Variants in ST7 observed in about 807,000 individuals in gnomAD.
ST7 encodes suppression of tumorigenicity 7, also known as suppressor of tumorigenicity 7 protein.
In ST7, 28 loss-of-function variants were observed where a neutral mutation model predicts 78.7. That is an observed-to-expected ratio of 0.36 (90% CI 0.26 to 0.49). The LOEUF is 0.49. Ranked by LOEUF, ST7 falls within the 20% of genes least tolerant of loss-of-function variation. ST7 has a pLI of 0.99. For synonymous variants in ST7, 247 were observed against 249.6 expected, an observed-to-expected ratio of 0.99 and a Z score of 0.10; for missense variants, 418 against 696.0, an observed-to-expected ratio of 0.60 and a Z score of 4.49.
rs555326175 is a variant in ST7 at position 117,033,938 on chromosome 7, G to C, written c.152-65824G>C. Among the ~76,000 whole-genome samples, 12 of 152,052 alleles carry C rather than the reference G, an allele frequency of 7.9e-5. No homozygotes were observed. The South Asian group carries it at 1.3e-3, about 16-fold the overall frequency. On this transcript the variant is annotated intron_variant, in intron 1 of 15. Transcript: ENST00000323984. Reference sequence around the variant, plus strand: ...CTATGAGGTCGTTTTTATTGTTGTTGTTCTTCTTCCTTTTTTTGTTTAGAG... The same window carrying C: ...CTATGAGGTCGTTTTTATTGTTGTTCTTCTTCTTCCTTTTTTTGTTTAGAG...
At chr7:117,111,445 C>T (rs995566932) in intron 2 of ST7, among the ~76,000 whole-genome samples, 3 of 152,038 alleles carry the variant, frequency 2.0e-5, no homozygotes, top group Non-Finnish European at 4.4e-5. Flanking sequence ...GAGCTAAAAA[C>T]AAAGAAAAAC....
In ST7 at chr7:116,953,901, C is replaced by T. The variant is rs563953869; in HGVS notation, c.151+210C>T. The T allele has an allele frequency of 1.7e-3, 259 of 156,110 alleles. 1 individual carries two copies. The highest frequency in any genetic ancestry group is 5.8e-3 in the African/African-American group (238 of 41,342). The allele number at this position is 156,110 out of a possible 1,614,324, so 9.7% of individuals were successfully genotyped here. On this transcript the variant is annotated intron_variant, in intron 1 of 15. Transcript: ENST00000323984. The stretch of plus-strand genomic sequence containing the variant: ...GGGGGCGGCCGGTGGCCTTCACGGC[C>T]CCGCGGAGGAAGAGCTGCGCCGCGC...
At chr7:117,148,245 A>G (rs983080751) in intron 9 of ST7, among the ~76,000 whole-genome samples, 2 of 151,992 alleles carry the variant, frequency 1.3e-5, no homozygotes, top group East Asian at 1.9e-4. Context: ...TGACTTACTG[A>G]TATGTTATTA....
chr7:117,044,402 A>G (rs962357820), intron 1 of ST7, among the ~76,000 whole-genome samples: 2 of 152,174 alleles, frequency 1.3e-5, no homozygotes, highest in Non-Finnish European at 2.9e-5. Flanking sequence ...GACAGAGTGC[A>G]GTGGCACAAG....
intron 1 of ST7, among the ~76,000 whole-genome samples, chr7:117,060,689 C>T (rs1798302339): frequency 6.6e-6 from 1 of 151,892 alleles, no homozygotes; most frequent in African/African-American, 2.4e-5. Context: ...CTGTGATTAC[C>T]ATGAGATAAA....
chr7:116,991,105 A>C lies in ST7; in HGVS notation c.151+37414A>C, dbSNP rs572033586. On this transcript the variant is annotated intron_variant, in intron 1 of 15. Coordinates refer to ENST00000323984, the MANE Select transcript of ST7 (RefSeq NM_001369598.1). ...TTGCATAGTACTCCATTGTATGATC[A>C]CATTTTATTTATCTATTATACTTTT... Among the ~76,000 whole-genome samples the C allele has an allele frequency of 2.6e-5, 4 of 152,320 alleles. No individual in the cohort carries two copies. In the South Asian group the frequency reaches 8.3e-4, roughly 32 times the overall value.
At chr7:117,066,558 G>A (rs1445349255) in intron 1 of ST7, among the ~76,000 whole-genome samples, 3 of 151,818 alleles carry the variant, frequency 2.0e-5, no homozygotes, top group Admixed American at 6.6e-5. Context: ...TCAGGAGTTC[G>A]AGACCAGCCT....
chr7:116,976,068 C>A (rs1250424459), intron 1 of ST7, among the ~76,000 whole-genome samples: 1 of 152,086 alleles, frequency 6.6e-6, no homozygotes, highest in Non-Finnish European at 1.5e-5. Flanking sequence ...CGAGACCAGC[C>A]TGGCCAACAT....
At chr7:117,193,093 G>A (rs1468955366) in intron 12 of ST7, among the ~76,000 whole-genome samples, 1 of 151,338 alleles carries the variant, frequency 6.6e-6, no homozygotes, top group African/African-American at 2.4e-5. Flanking sequence ...TCAAGAATTA[G>A]CCACAGATTT....
intron 1 of ST7, among the ~76,000 whole-genome samples, chr7:117,064,163 T>A (rs1798505871): frequency 6.6e-6 from 1 of 151,576 alleles, no homozygotes; most frequent in Non-Finnish European, 1.5e-5. Flanking sequence ...ACATTAAAAT[T>A]TATGGGACAA....
chr7:116,981,086 A>G (rs1203669723), intron 1 of ST7, among the ~76,000 whole-genome samples: 1 of 151,916 alleles, frequency 6.6e-6, no homozygotes, highest in Non-Finnish European at 1.5e-5. Context: ...GTAGAATACC[A>G]TTCAATTTGA....
rs1294389341 is a variant in ST7, at chr7:117,097,898, ATATATATATATTTT to A, written c.152-1862_152-1849del. 8.9e-4 allele frequency among the ~76,000 whole-genome samples: 23 copies of A among 25,936 alleles called. 2 individuals carry two copies. Among genetic ancestry groups the A allele is most frequent in the Non-Finnish European group, 1.6e-3 (23 of 14,438 alleles). The allele number at this position is 25,936 out of a possible 152,430, so 17.0% of individuals were successfully genotyped here. A position where few individuals can be genotyped will look rare whatever the true frequency, so the allele number is the denominator to read the frequency against. ...CATATCACTATATATATATATATAT[ATATATATATATTTT>A]TTTTTTTTTTTTTTTTGATGGCCAG... On this transcript the variant is annotated intron_variant, in intron 1 of 15. Coordinates refer to ENST00000323984, the MANE Select transcript of ST7 (RefSeq NM_001369598.1).
chr7:117,084,654 A>G (rs914470254), intron 1 of ST7, among the ~76,000 whole-genome samples: 3 of 152,232 alleles, frequency 2.0e-5, no homozygotes, highest in African/African-American at 7.2e-5. Flanking sequence ...GTGAAAATTT[A>G]CTAAGACACC....
chr7:117,097,904 A>AT (rs1171743827), intron 1 of ST7, among the ~76,000 whole-genome samples: 6 of 33,718 alleles, frequency 1.8e-4, no homozygotes, highest in African/African-American at 4.8e-4. Flanking sequence ...ATATATATAT[A>AT]TATATTTTTT....
At chr7:117,071,363 TAA>T (rs1041097821) in intron 1 of ST7, among the ~76,000 whole-genome samples, 2 of 147,726 alleles carry the variant, frequency 1.4e-5, no homozygotes, top group Non-Finnish European at 1.5e-5. Context: ...ATCCTGCACT[TAA>T]AAAAAAAAAC....
At chr7:117,171,048 G>A in intron 10 of ST7, 72 bp downstream of exon 10, 1 of 951,634 alleles carries the variant, frequency 1.1e-6, no homozygotes, top group Non-Finnish European at 1.5e-6. Context: ...AGATTAGAAG[G>A]GTCATTTCAA....
intron 1 of ST7, among the ~76,000 whole-genome samples, chr7:117,093,886 G>A (rs1409361294): frequency 2.0e-5 from 3 of 152,120 alleles, no homozygotes; most frequent in African/African-American, 7.2e-5. Flanking sequence ...AAATGTACAC[G>A]AATACTTTTT....
intron 3 of ST7, among the ~76,000 whole-genome samples, chr7:117,122,148 G>A (rs1163303763): frequency 6.6e-6 from 1 of 152,194 alleles, no homozygotes; most frequent in Non-Finnish European, 1.5e-5. Flanking sequence ...AGGGAGACTT[G>A]TAGGCAGAGC....
intron 1 of ST7, among the ~76,000 whole-genome samples, chr7:116,956,239 T>C (rs1469920617): frequency 6.6e-6 from 1 of 152,246 alleles, no homozygotes; most frequent in Non-Finnish European, 1.5e-5. Context: ...CCTCCTTTCC[T>C]TGCCAATTCC....
Sources: gnomAD v4.1 joint callset for allele counts (sites outside exome capture counted in the v4.1 genomes callset) on GRCh38, gnomAD v4.1.1 for gene constraint, MANE v1.5 for transcripts, NCBI Gene and HGNC (gene_info 2026-07-23, HGNC 2026-07-21) for gene names.